The following CMTM2 variants were observed in gnomAD, a reference collection of about 807,000 sequenced individuals.
CMTM2 encodes the protein CKLF-like MARVEL transmembrane domain-containing protein 2.
CMTM2 carries 15 observed loss-of-function variants against 16.8 expected under a neutral mutation model. The observed-to-expected ratio is 0.89, with a 90% CI of 0.60 to 1.37. The LOEUF is 1.37. CMTM2 is among the 40% of genes most tolerant of loss of function. CMTM2 has a pLI of 0.00. For synonymous variants in CMTM2, 117 were observed against 118.7 expected, an observed-to-expected ratio of 0.99 and a Z score of 0.09; for missense variants, 282 against 318.0, an observed-to-expected ratio of 0.89 and a Z score of 0.86.
In CMTM2 at chr16:66,579,943, G is replaced by T. The variant is rs749169475; in HGVS notation, c.285+51G>T. ...GGGGGGCCTTGGCCGAGGGTGGGGG[G>T]AAGGAGGAGTAGGCTCCAGGGGTCC... On this transcript the variant is annotated intron_variant, in intron 1 of 3. Coordinates refer to ENST00000268595, the MANE Select transcript of CMTM2 (RefSeq NM_144673.3). This position sits in a 1 kb window ranked among gnomAD's most constrained non-coding sequence, Gnocchi z 6.5. The T allele has an allele frequency of 6.2e-7, 1 of 1,606,446 alleles. No homozygotes were observed. Among genetic ancestry groups the T allele is most frequent in the African/African-American group, 1.3e-5 (1 of 74,844 alleles).
At chr16:66,580,375 C>T in intron 2 of CMTM2, 191 bp downstream of exon 2, 1 of 610,760 alleles carries the variant, frequency 1.6e-6, no homozygotes, top group Non-Finnish European at 2.9e-6. Flanking sequence ...AGAAAATGCT[C>T]CAAAAAGCCT....
At chr16:66,587,838 C>T in intron 3 of CMTM2, 81 bp from the exon 4 acceptor site, 1 of 1,420,090 alleles carries the variant, frequency 7.0e-7, no homozygotes, top group South Asian at 1.2e-5. Flanking sequence ...ACAGCACCCC[C>T]TGATGAATGA....
rs141329430 is a variant in CMTM2 at position 66,580,086 on chromosome 16, C to T, written c.346C>T (p.Leu116Phe). The T allele has an allele frequency of 2.7e-4, 435 of 1,614,172 alleles. No homozygotes were observed. The highest frequency in any genetic ancestry group is 3.5e-4 in the Non-Finnish European group (415 of 1,180,008). Residue 116 changes from leucine (L) to phenylalanine (F), a missense_variant, in exon 2 of 4, where the codon CTT (leucine) becomes TTT (phenylalanine). Leu to Phe is a conservative substitution (Grantham distance 22). Transcript: ENST00000268595. ...ACTCACCGTGCACCCCATCTTGAGG[C>T]TTATCATCACCATGGAGATATCCTT... The part of the protein sequence containing the change: ...SSLTVHPILR[L>F]IITMEISFFS...
At chr16:66,584,869 A>T (rs1443578014) in intron 2 of CMTM2, among the ~76,000 whole-genome samples, 1 of 152,000 alleles carries the variant, frequency 6.6e-6, no homozygotes, top group Non-Finnish European at 1.5e-5. Context: ...AGGCAGGAGG[A>T]TCACTTGAGT....
intron 2 of CMTM2, among the ~76,000 whole-genome samples, chr16:66,581,759 T>C (rs2014738410): frequency 6.6e-6 from 1 of 152,232 alleles, no homozygotes; most frequent in African/African-American, 2.4e-5. Flanking sequence ...AGAGGAAGTC[T>C]TCCTTGAGAA....
chr16:66,579,554 C>G lies in CMTM2; in HGVS notation c.-54C>G. The G allele has an allele frequency of 6.2e-7, 1 of 1,603,356 alleles. No homozygotes were observed. Among genetic ancestry groups the G allele is most frequent in the East Asian group, 2.2e-5 (1 of 44,840 alleles). On this transcript the variant is annotated 5_prime_UTR_variant, in exon 1 of 4. Coordinates refer to ENST00000268595, the MANE Select transcript of CMTM2 (RefSeq NM_144673.3). The surrounding 1 kb of genome is among the most constrained non-coding windows in gnomAD (Gnocchi z 6.5). ...GTAGGCCTGGCCTACCCAGAAACAGCAGGAGAGAGAAGAAACAGGCCAGCT... is the reference window on the plus strand; with the variant it reads ...GTAGGCCTGGCCTACCCAGAAACAGGAGGAGAGAGAAGAAACAGGCCAGCT...
chr16:66,580,346 G>A (rs2014709147), intron 2 of CMTM2, 162 bp downstream of exon 2: 4 of 710,022 alleles, frequency 5.6e-6, no homozygotes, highest in Non-Finnish European at 9.4e-6. Context: ...GCAGCTGGGT[G>A]CAAGAGGGGT....
In CMTM2 at chr16:66,580,116, A is replaced by G. The variant is rs368740252; in HGVS notation, c.376A>G (p.Ser126Gly). The change falls in exon 2 of 4, where the codon AGC becomes GGC. Residue 126 changes from serine to glycine, a missense_variant. Transcript: ENST00000268595. ...CATCACCATGGAGATATCCTTCTTCAGCTTCTTCATCTTACTGTACAGCTT... is the reference window on the plus strand; with the variant it reads ...CATCACCATGGAGATATCCTTCTTCGGCTTCTTCATCTTACTGTACAGCTT... ...LIITMEISFF[S>G]FFILLYSFAI... 198 of 1,614,190 alleles carry G rather than the reference A, an allele frequency of 1.2e-4. 1 individual carries two copies. In the Admixed American group the frequency reaches 2.9e-3, roughly 23 times the overall value.
At chr16:66,584,841 C>T (rs867850294) in intron 2 of CMTM2, among the ~76,000 whole-genome samples, 4 of 152,212 alleles carry the variant, frequency 2.6e-5, no homozygotes, top group Middle Eastern at 3.4e-3. Flanking sequence ...CCTATAATCC[C>T]GACACTTTGG....
At chr16:66,582,445 A>G (rs1178325329) in intron 2 of CMTM2, among the ~76,000 whole-genome samples, 4 of 152,198 alleles carry the variant, frequency 2.6e-5, no homozygotes, top group Admixed American at 1.3e-4. Flanking sequence ...TCACACCTGT[A>G]ATCCCAGCAC....
chr16:66,579,976 G>A lies in CMTM2; in HGVS notation c.286-50G>A. The A allele has an allele frequency of 6.2e-7, 1 of 1,613,028 alleles. No individual in the cohort carries two copies. The highest frequency in any genetic ancestry group is 8.5e-7 in the Non-Finnish European group (1 of 1,179,390). On this transcript the variant is annotated intron_variant, in intron 1 of 3. Transcript: ENST00000268595. The surrounding 1 kb of genome is among the most constrained non-coding windows in gnomAD (Gnocchi z 6.5). ...AGTAGGCTCCAGGGGTCCTCAGAGA[G>A]ATGGTGAAAGGCCCTTGCTGCTGGC... is the stretch of plus-strand genomic sequence containing the variant.
rs914989794 is a variant in CMTM2 at position 66,584,946 on chromosome 16, T to A, written c.445-2051T>A. On this transcript the variant is annotated intron_variant, in intron 2 of 3. Transcript: ENST00000268595. Reference sequence around the variant, plus strand: ...GAAGCCCTGCCTCTACAAAAACAATTTTTTTTTTTTTTTTTTTGAGATGGA... The same window carrying A: ...GAAGCCCTGCCTCTACAAAAACAATATTTTTTTTTTTTTTTTTGAGATGGA... 5.0e-5 allele frequency among the ~76,000 whole-genome samples: 6 copies of A among 119,928 alleles called. No individual in the cohort carries two copies. The East Asian group carries it at 1.3e-3, about 27-fold the overall frequency. 78.7% of individuals were successfully genotyped at this position (119,928 alleles called of 152,430 possible). A position where few individuals can be genotyped will look rare whatever the true frequency, so the allele number is the denominator to read the frequency against.
chr16:66,587,006 A>G lies in CMTM2; in HGVS notation c.454A>G (p.Asn152Asp). The G allele has an allele frequency of 3.7e-6, 6 of 1,613,988 alleles. No individual in the cohort carries two copies. The highest frequency in any genetic ancestry group is 5.1e-6 in the Non-Finnish European group (6 of 1,179,882). Residue 152 changes from asparagine to aspartate, a missense_variant, in exon 3 of 4, where the codon AAC becomes GAC. Physicochemically the swap from Asn to Asp is conservative, Grantham distance 23. Transcript: ENST00000268595. ...ACCTCTCCACCTTCAGGACCTCTTC[A>G]ACGACCTGATTGCTTGTGCGTTCCT... ...FILWPISDLFNDLIACAFLVG... is the reference protein window; with the variant it reads ...FILWPISDLFDDLIACAFLVG...
intron 2 of CMTM2, among the ~76,000 whole-genome samples, chr16:66,581,682 C>T (rs2014737203): frequency 6.6e-6 from 1 of 152,204 alleles, no homozygotes; most frequent in Admixed American, 6.5e-5. Context: ...AGACACATAC[C>T]CTTCTTATTC....
intron 2 of CMTM2, among the ~76,000 whole-genome samples, chr16:66,585,771 G>A (rs371563086): frequency 3.9e-5 from 6 of 152,134 alleles, no homozygotes; most frequent in East Asian, 3.8e-4. Context: ...GGTGGGAGTC[G>A]GGGATAGGAT....
In CMTM2 at chr16:66,588,223, C is replaced by A; in HGVS notation, c.*104C>A. Reference sequence around the variant, plus strand: ...CTGGAATGGTTTTCTTTTCCATTTTCATTACCACCTTTGCTTGGAAAAGAA... The same window carrying A: ...CTGGAATGGTTTTCTTTTCCATTTTAATTACCACCTTTGCTTGGAAAAGAA... On this transcript the variant is annotated 3_prime_UTR_variant, in exon 4 of 4. Transcript: ENST00000268595. 9.8e-7 allele frequency: 1 copy of A among 1,016,562 alleles called. No homozygotes were observed. The highest frequency in any genetic ancestry group is 1.5e-6 in the Non-Finnish European group (1 of 687,524). The allele number at this position is 1,016,562 out of a possible 1,614,324, so 63.0% of individuals were successfully genotyped here.
At chr16:66,584,731 T>C (rs1463132878) in intron 2 of CMTM2, among the ~76,000 whole-genome samples, 1 of 152,122 alleles carries the variant, frequency 6.6e-6, no homozygotes, top group Non-Finnish European at 1.5e-5. Context: ...TCCCTGGGAT[T>C]TGTGGACAGA....
At position 66,588,002 on chromosome 16, in the gene CMTM2, G is replaced by A. The variant is rs141813228; in HGVS notation, c.630G>A (p.Lys210=). 7.5e-5 allele frequency: 121 copies of A among 1,614,138 alleles called. No individual in the cohort carries two copies. In the Middle Eastern group the frequency reaches 1.3e-3, roughly 18 times the overall value. ...ACTTCAGAGGCAAGAAGGCCAAAAA[G>A]CATATGCTGGTTCCTCCTCCAGGAA... is the stretch of plus-strand genomic sequence containing the variant. ...RNHFRGKKAK[K]HMLVPPPGKE... The change falls in exon 4 of 4, where the codon AAG becomes AAA. Residue 210 remains lysine (K), a synonymous_variant. Transcript: ENST00000268595.
intron 2 of CMTM2, among the ~76,000 whole-genome samples, chr16:66,584,327 C>T (rs897772177): frequency 4.6e-5 from 7 of 151,802 alleles, no homozygotes; most frequent in Non-Finnish European, 1.0e-4. Context: ...AGCCACCACA[C>T]CCAGCCAGTA....
Sources: allele counts gnomAD v4.1 joint callset (sites outside exome capture counted in the v4.1 genomes callset), GRCh38; gene constraint gnomAD v4.1.1; non-coding constraint Gnocchi (gnomAD v3.1); transcripts MANE v1.5; gene names NCBI Gene and HGNC (gene_info 2026-07-23, HGNC 2026-07-21).